Variants in LRP8 observed in about 807,000 individuals in gnomAD.
The protein encoded by LRP8 is low-density lipoprotein receptor-related protein 8.
A neutral mutation model predicts 111.6 loss-of-function variants in LRP8; 46 were observed. The observed-to-expected ratio is 0.41, with a 90% CI of 0.33 to 0.53. The LOEUF is 0.53. LRP8 is among the 20% of genes least tolerant of loss of function. The pLI is 0.20. For missense variants in LRP8, 959 were observed against 1,297.4 expected, an observed-to-expected ratio of 0.74 and a Z score of 4.01; for synonymous variants, 464 against 511.2, an observed-to-expected ratio of 0.91 and a Z score of 1.24.
At position 53,257,398 on chromosome 1, in the gene LRP8, C is replaced by T. The variant is rs1572441804; in HGVS notation, c.2276G>A (p.Arg759Lys). 2.5e-6 allele frequency: 4 copies of T among 1,613,898 alleles called. No homozygotes were observed. Among genetic ancestry groups the T allele is most frequent in the Admixed American group, 3.3e-5 (2 of 59,982 alleles). The change falls in exon 15 of 19, where the codon AGA becomes AAA. Residue 759 changes from arginine to lysine, a missense_variant. Transcript: ENST00000306052. ...TMTRTVPATT[R>K]APGTTVHRST... ...TCTGTGGACGGTGGTCCCGGGGGCT[C>T]TTGTGGTGGCAGGTACTGTCCTCGT...
chr1:53,255,960 G>A (rs1223334518), intron 15 of LRP8, among the ~76,000 whole-genome samples: 1 of 152,156 alleles, frequency 6.6e-6, no homozygotes, highest in African/African-American at 2.4e-5. Flanking sequence ...GTTGAATAGG[G>A]TCTAAATTTT....
chr1:53,311,773 C>T (rs1001000161), intron 2 of LRP8, among the ~76,000 whole-genome samples: 3 of 152,192 alleles, frequency 2.0e-5, no homozygotes, highest in Non-Finnish European at 4.4e-5. Context: ...CACCACACGC[C>T]ACGGCCACAG....
At chr1:53,297,383 G>A (rs998542328) in intron 2 of LRP8, among the ~76,000 whole-genome samples, 1 of 152,182 alleles carries the variant, frequency 6.6e-6, no homozygotes, top group East Asian at 1.9e-4. Context: ...AAGGCTCGGC[G>A]GTTCCCAGAA....
rs1240245508 is a variant in LRP8 at position 53,243,218 on chromosome 1, A to G, written c.*3800T>C. The G allele has an allele frequency of 1.3e-5, 2 of 152,124 alleles. No individual in the cohort carries two copies. Among genetic ancestry groups the G allele is most frequent in the African/African-American group, 4.8e-5 (2 of 41,394 alleles). 9.4% of individuals were successfully genotyped at this position (152,124 alleles called of 1,614,324 possible). A position where few individuals can be genotyped will look rare whatever the true frequency, so the allele number is the denominator to read the frequency against. ...GCTTGCATTCCTGTGCCATTTCCCCATTCCCACCAGTGCCCAACTGGACAG... is the reference window on the plus strand; with the variant it reads ...GCTTGCATTCCTGTGCCATTTCCCCGTTCCCACCAGTGCCCAACTGGACAG... On this transcript the variant is annotated 3_prime_UTR_variant, in exon 19 of 19. Transcript: ENST00000306052.
intron 2 of LRP8, among the ~76,000 whole-genome samples, chr1:53,292,590 C>G (rs1052755277): frequency 6.6e-6 from 1 of 152,202 alleles, no homozygotes; most frequent in Non-Finnish European, 1.5e-5. Context: ...GTTTTCCCCC[C>G]ACAAGAAGCT....
chr1:53,327,461 G>A (rs774294987), intron 1 of LRP8: 2 of 269,664 alleles, frequency 7.4e-6, no homozygotes, highest in Non-Finnish European at 1.4e-5. Flanking sequence ...CGCGGAGCGC[G>A]CGTGTCAAAT....
At position 53,249,863 on chromosome 1, in the gene LRP8, G is replaced by A. The variant is rs1484431901; in HGVS notation, c.2677-307C>T. On this transcript the variant is annotated intron_variant, in intron 17 of 18. Transcript: ENST00000306052. This position sits in a 1 kb window ranked among gnomAD's most constrained non-coding sequence, Gnocchi z 4.1. Reference sequence around the variant, plus strand: ...CCTTGTTGATGTTTCCATGGCATCTGTTCAACAAATATTTGTTGGGAGTCA... The same window carrying A: ...CCTTGTTGATGTTTCCATGGCATCTATTCAACAAATATTTGTTGGGAGTCA... Among the ~76,000 whole-genome samples the A allele has an allele frequency of 1.3e-5, 2 of 152,194 alleles. No homozygotes were observed. The highest frequency in any genetic ancestry group is 2.4e-5 in the African/African-American group (1 of 41,430).
rs1645873572 is a variant in LRP8, at chr1:53,250,840, C to T, written c.2526G>A (p.Met842Ile). 1 of 1,614,130 alleles carries T rather than the reference C, an allele frequency of 6.2e-7. No individual in the cohort carries two copies. Among genetic ancestry groups the T allele is most frequent in the Non-Finnish European group, 8.5e-7 (1 of 1,180,018 alleles). ...VPIVVIALLC[M>I]SGYLIWRNWK... ...AGTTTCTCCAGATCAGGTATCCACT[C>T]ATGCACAGGAGGGCTATCACCACTG... The change falls in exon 17 of 19, where the codon ATG (methionine) becomes ATA (isoleucine). Residue 842 changes from methionine to isoleucine, a missense_variant. Met to Ile is a conservative substitution (Grantham distance 10). Transcript: ENST00000306052. The surrounding 1 kb of genome is among the most constrained non-coding windows in gnomAD (Gnocchi z 4.6).
At chr1:53,308,431 T>G (rs1185250176) in intron 2 of LRP8, among the ~76,000 whole-genome samples, 10 of 152,196 alleles carry the variant, frequency 6.6e-5, no homozygotes. Flanking sequence ...CAAGCATCAC[T>G]GGCCCTCCAG....
Position 53,264,238 on chromosome 1 carries a change from C to T in LRP8, c.1586G>A (p.Gly529Asp). ...KTISVATVDGGRRRTLFSRNL... is the reference protein window; with the variant it reads ...KTISVATVDGDRRRTLFSRNL... ...ACGGCTGAAGAGAGTGCGTCGGCGG[C>T]CACCATCAACTGTGGCCACTGAGAT... Residue 529 changes from glycine to aspartate, a missense_variant, in exon 10 of 19, where the codon GGC becomes GAC. This residue lies in a region of LRP8 where 819 missense variants were observed against 1,097.6 expected (regional missense o/e 0.75). Coordinates refer to ENST00000306052, the MANE Select transcript of LRP8 (RefSeq NM_004631.5). The T allele has an allele frequency of 6.2e-7, 1 of 1,614,072 alleles. No individual in the cohort carries two copies. The highest frequency in any genetic ancestry group is 8.5e-7 in the Non-Finnish European group (1 of 1,179,996).
rs1252813638 is a variant in LRP8 at position 53,327,945 on chromosome 1, C to G, written c.-33G>C. On this transcript the variant is annotated 5_prime_UTR_variant, in exon 1 of 19. Transcript: ENST00000306052. ...CCGGGGCTCCGGCCGCCGCGCCCCG[C>G]GCTCCCCGCGCCGCCGCCGCCGCGT... 7.1e-6 allele frequency: 8 copies of G among 1,121,010 alleles called. No homozygotes were observed. Among genetic ancestry groups the G allele is most frequent in the Non-Finnish European group, 8.7e-6 (8 of 919,646 alleles). The allele number at this position is 1,121,010 out of a possible 1,614,324, so 69.4% of individuals were successfully genotyped here.
chr1:53,312,830 T>C (rs1213356577), intron 2 of LRP8, among the ~76,000 whole-genome samples: 3 of 152,156 alleles, frequency 2.0e-5, no homozygotes, highest in Non-Finnish European at 4.4e-5. Context: ...ATGCAGGATG[T>C]TGAGTTTTAA....
At chr1:53,278,168 G>T (rs1433148245) in intron 4 of LRP8, among the ~76,000 whole-genome samples, 1 of 152,240 alleles carries the variant, frequency 6.6e-6, no homozygotes, top group African/African-American at 2.4e-5. Context: ...AAGAGAACCA[G>T]AACTCACATT....
At position 53,245,014 on chromosome 1, in the gene LRP8, C is replaced by A. The variant is rs1457423367; in HGVS notation, c.*2004G>T. On this transcript the variant is annotated 3_prime_UTR_variant, in exon 19 of 19. Coordinates refer to ENST00000306052, the MANE Select transcript of LRP8 (RefSeq NM_004631.5). ...TTCAGGACTATCAACACATGCATGT[C>A]ATGAGGAGATTGCTGGATTATGCAA... 1 of 152,200 alleles carries A rather than the reference C, an allele frequency of 6.6e-6. No individual in the cohort carries two copies. Among genetic ancestry groups the A allele is most frequent in the African/African-American group, 2.4e-5 (1 of 41,434 alleles). 9.4% of individuals were successfully genotyped at this position (152,200 alleles called of 1,614,324 possible).
intron 18 of LRP8, among the ~76,000 whole-genome samples, chr1:53,247,577 C>T (rs1645766687): frequency 6.6e-6 from 1 of 152,204 alleles, no homozygotes; most frequent in African/African-American, 2.4e-5. Context: ...CTCTCCCTCA[C>T]CCCTGCTTTC....
chr1:53,327,068 A>T, intron 1 of LRP8, 76 bp from the exon 2 acceptor site: 1 of 1,568,834 alleles, frequency 6.4e-7, no homozygotes, highest in East Asian at 2.3e-5. Context: ...GGCCACCCGG[A>T]AGGACCCGCT....
chr1:53,320,201 G>T (rs576020039), intron 2 of LRP8, among the ~76,000 whole-genome samples: 3 of 152,400 alleles, frequency 2.0e-5, no homozygotes, highest in African/African-American at 2.4e-5. Flanking sequence ...AAGTGGGCAA[G>T]CAGGGCCCAG....
At chr1:53,319,182 G>A (rs1654174331) in intron 2 of LRP8, among the ~76,000 whole-genome samples, 2 of 152,156 alleles carry the variant, frequency 1.3e-5, no homozygotes, top group Non-Finnish European at 2.9e-5. Context: ...CACCTGTGAG[G>A]CACCAACTGG....
chr1:53,270,235 C>G (rs1029850715), intron 8 of LRP8, among the ~76,000 whole-genome samples: 2 of 152,134 alleles, frequency 1.3e-5, no homozygotes, highest in Non-Finnish European at 2.9e-5. Context: ...ACCTAGAGAC[C>G]ACCCAAAACA....
Sources: gnomAD v4.1 joint callset for allele counts (sites outside exome capture counted in the v4.1 genomes callset) on GRCh38, gnomAD v4.1.1 for gene constraint, gnomAD v4.1.1 regional missense constraint, Gnocchi (gnomAD v3.1) non-coding constraint, MANE v1.5 for transcripts, NCBI Gene and HGNC (gene_info 2026-07-23, HGNC 2026-07-21) for gene names.